C3orf33: variants seen among roughly 807,000 people sequenced by gnomAD.
C3orf33 encodes mitochondrial inner membrane subdomain organizer 1, also known as AP-1 activity suppressor.
C3orf33 carries 23 observed loss-of-function variants against 28.7 expected under a neutral mutation model. The observed-to-expected ratio is 0.80, with a 90% confidence interval of 0.58 to 1.13. The LOEUF is 1.13. C3orf33 is among the 50% of genes most tolerant of loss of function. The pLI is 0.00. For synonymous variants in C3orf33, 119 were observed against 120.5 expected (o/e 0.99, Z 0.08); for missense variants, 327 against 353.4 (o/e 0.93, Z 0.60).
chr3:155,793,809 CAA>C (rs1176317323), intron 2 of C3orf33, among the ~76,000 whole-genome samples: 3 of 37,492 alleles, frequency 8.0e-5, no homozygotes, highest in Admixed American at 3.7e-4. Flanking sequence ...GACTCTGACT[CAA>C]AAAAAAAAAA....
chr3:155,800,623 A>AAAAAAAAAAAAAAAAAAAAAAAAAC (rs1402412821), intron 2 of C3orf33, among the ~76,000 whole-genome samples: 1 of 145,676 alleles, frequency 6.9e-6, no homozygotes, highest in East Asian at 2.0e-4. Flanking sequence ...AAAAAAAAAA[A>AAAAAAAAAAAAAAAAAAAAAAAAAC]AAAAAAAAAA....
chr3:155,764,257 T>C (rs1750327216), intron 4 of C3orf33, among the ~76,000 whole-genome samples: 1 of 152,134 alleles, frequency 6.6e-6, no homozygotes, highest in South Asian at 2.1e-4. Context: ...ACACCCAAGA[T>C]AGGCAGAGTG....
At chr3:155,785,228 G>A (rs564653294) in intron 2 of C3orf33, among the ~76,000 whole-genome samples, 41 of 152,152 alleles carry the variant, frequency 2.7e-4, no homozygotes, top group African/African-American at 9.6e-4. Flanking sequence ...AAAATGGTGA[G>A]AGTTGAAGGG....
At chr3:155,793,723 T>C (rs1166783655) in intron 2 of C3orf33, among the ~76,000 whole-genome samples, 1 of 146,240 alleles carries the variant, frequency 6.8e-6, no homozygotes, top group Non-Finnish European at 1.5e-5. Flanking sequence ...GGCAGGAGAA[T>C]CTCTTGAACC....
chr3:155,781,386 G>C (rs1750918745), intron 2 of C3orf33, among the ~76,000 whole-genome samples: 1 of 152,098 alleles, frequency 6.6e-6, no homozygotes, highest in African/African-American at 2.4e-5. Flanking sequence ...TTGTTTGCTT[G>C]TTTTTGTTTT....
chr3:155,778,034 C>T (rs990764795), intron 2 of C3orf33, among the ~76,000 whole-genome samples: 1 of 149,928 alleles, frequency 6.7e-6, no homozygotes, highest in African/African-American at 2.5e-5. Flanking sequence ...CTTGTAGTCC[C>T]AGCTACACAG....
At chr3:155,794,851 G>A (rs2109276892) in intron 2 of C3orf33, among the ~76,000 whole-genome samples, 1 of 152,184 alleles carries the variant, frequency 6.6e-6, no homozygotes, top group East Asian at 1.9e-4. Context: ...AATTCAGCAA[G>A]AGGATACAAC....
chr3:155,804,536 T>C (rs1399387420), intron 1 of C3orf33, among the ~76,000 whole-genome samples: 2 of 152,218 alleles, frequency 1.3e-5, no homozygotes, highest in Non-Finnish European at 1.5e-5. Context: ...TGCAAAGTTA[T>C]CTTACTCAAC....
At chr3:155,789,129 G>C (rs1243003765) in intron 2 of C3orf33, among the ~76,000 whole-genome samples, 1 of 151,876 alleles carries the variant, frequency 6.6e-6, no homozygotes, top group African/African-American at 2.4e-5. Flanking sequence ...GGTGGATCAC[G>C]AGGTCAGGAG....
At position 155,802,986 on chromosome 3, in the gene C3orf33, G is replaced by C. The variant is rs141333208; in HGVS notation, c.115-395C>G. Among the ~76,000 whole-genome samples the C allele has an allele frequency of 2.6e-3, 388 of 152,088 alleles. 3 individuals are homozygous for C. Among genetic ancestry groups the C allele is most frequent in the Middle Eastern group, 3.4e-3 (1 of 294 alleles). On this transcript the variant is annotated intron_variant, in intron 1 of 4. Transcript: ENST00000340171. ...TTAACTATCAGTTCCATCAATATAT[G>C]AACTGGTCTAGTACTTCCTATACAG...
At chr3:155,781,175 T>G (rs1013918579) in intron 2 of C3orf33, among the ~76,000 whole-genome samples, 7 of 150,620 alleles carry the variant, frequency 4.6e-5, no homozygotes, top group Non-Finnish European at 7.4e-5. Context: ...TTTTTTTTTT[T>G]GTATTTTTTT....
intron 2 of C3orf33, among the ~76,000 whole-genome samples, chr3:155,799,850 G>T (rs1751589523): frequency 6.6e-6 from 1 of 152,058 alleles, no homozygotes; most frequent in South Asian, 2.1e-4. Context: ...CTTATTTGAG[G>T]GAACTAAAAA....
intron 3 of C3orf33, among the ~76,000 whole-genome samples, chr3:155,771,041 G>GTGTGTT (rs1270653302): frequency 6.6e-6 from 1 of 150,572 alleles, no homozygotes; most frequent in Non-Finnish European, 1.5e-5. Context: ...GTGTGTGTGT[G>GTGTGTT]TGTGTGTGTG....
At position 155,769,485 on chromosome 3, in the gene C3orf33, CAAAAAAA is replaced by C. The variant is rs59639224; in HGVS notation, c.323-1823_323-1817del. 1.5e-3 allele frequency among the ~76,000 whole-genome samples: 123 copies of C among 84,336 alleles called. 3 individuals are homozygous for C. Among genetic ancestry groups the C allele is most frequent in the African/African-American group, 4.3e-3 (109 of 25,328 alleles). 55.3% of individuals were successfully genotyped at this position (84,336 alleles called of 152,430 possible). ...CCTGGGCAATAGAGTGAGACTGTTT[CAAAAAAA>C]AAAAAAAAAAAGAAGAAGAAGAAAA... On this transcript the variant is annotated intron_variant, in intron 3 of 4. Transcript: ENST00000340171.
intron 2 of C3orf33, among the ~76,000 whole-genome samples, chr3:155,783,196 C>A (rs1179884042): frequency 2.6e-5 from 4 of 151,600 alleles, no homozygotes; most frequent in African/African-American, 7.3e-5. Flanking sequence ...GTTCTGTCAC[C>A]CAGGCTGGAA....
intron 3 of C3orf33, among the ~76,000 whole-genome samples, chr3:155,771,378 C>T (rs1190581273): frequency 6.6e-6 from 1 of 152,128 alleles, no homozygotes; most frequent in Admixed American, 6.6e-5. Flanking sequence ...GCTTCCTGGG[C>T]TTAAGCAATG....
Position 155,800,610 on chromosome 3 carries a change from C to CAAAAAAAAAAAAAA in C3orf33, c.174+1908_174+1921dup. 7.0e-4 allele frequency among the ~76,000 whole-genome samples: 11 copies of CAAAAAAAAAAAAAA among 15,634 alleles called. 2 individuals are homozygous for CAAAAAAAAAAAAAA. The highest frequency in any genetic ancestry group is 1.2e-3 in the Non-Finnish European group (10 of 8,112). 10.3% of individuals were successfully genotyped at this position (15,634 alleles called of 152,430 possible). A position where few individuals can be genotyped will look rare whatever the true frequency, so the allele number is the denominator to read the frequency against. Reference sequence around the variant, plus strand: ...GGTCAACAGAGTGAGACCTTATCTCCAAAAAAAAAAAAAAAAAAAAAAAAA... The same window carrying CAAAAAAAAAAAAAA: ...GGTCAACAGAGTGAGACCTTATCTCCAAAAAAAAAAAAAAAAAAAAAAAAAAAAAAAAAAAAAAA... On this transcript the variant is annotated intron_variant, in intron 2 of 4. Transcript: ENST00000340171.
At chr3:155,805,851 C>T in intron 1 of C3orf33, 1 of 518,482 alleles carries the variant, frequency 1.9e-6, no homozygotes, top group Non-Finnish European at 3.5e-6. Context: ...CAGGTGGCAT[C>T]CCCGAGCTGG....
chr3:155,774,343 G>A (rs1358056355), intron 3 of C3orf33, among the ~76,000 whole-genome samples: 1 of 152,190 alleles, frequency 6.6e-6, no homozygotes, highest in African/African-American at 2.4e-5. Flanking sequence ...GGCTAATGCA[G>A]CTTGGCAGTT....
Sources: allele counts gnomAD v4.1 joint callset (sites outside exome capture counted in the v4.1 genomes callset), GRCh38; gene constraint gnomAD v4.1.1; transcripts MANE v1.5; gene names NCBI Gene and HGNC (gene_info 2026-07-23, HGNC 2026-07-21).